Variants in ANK3 observed in about 807,000 individuals in gnomAD.
The protein encoded by ANK3 is ankyrin-3.
ANK3 carries 57 observed loss-of-function variants against 370.9 expected under a neutral mutation model. The ratio of observed to expected loss-of-function variants is 0.15; its 90% CI spans 0.12 to 0.19. The LOEUF (loss-of-function observed/expected upper bound fraction) is 0.19. Among genes scored for constraint, ANK3 ranks in the 10% least tolerant of loss-of-function variants. The pLI, the probability that ANK3 is intolerant of heterozygous loss-of-function variation, is 1.00. For synonymous variants in ANK3, 1,929 were observed against 1,946.3 expected, an observed-to-expected ratio of 0.99 and a Z score of 0.23; for missense variants, 4,439 against 5,302.1, an observed-to-expected ratio of 0.84 and a Z score of 5.06.
chr10:60,055,444 C>T (rs147195294), intron 42 of ANK3, among the ~76,000 whole-genome samples: 10 of 152,178 alleles, frequency 6.6e-5, no homozygotes, highest in Admixed American at 1.3e-4. Context: ...GAAGGTATAA[C>T]GAAATGGCAT....
At position 60,166,809 on chromosome 10, in the gene ANK3, A is replaced by G; in HGVS notation, c.2551+15T>C. The G allele has an allele frequency of 6.2e-7, 1 of 1,612,780 alleles. No individual in the cohort carries two copies. The highest frequency in any genetic ancestry group is 8.5e-7 in the Non-Finnish European group (1 of 1,178,870). ...TCACTTATAATTATTGTGAACTCAA[A>G]GAACATTTTCATACCTTCATCATCA... On this transcript the variant is annotated intron_variant, in intron 22 of 43. Transcript: ENST00000280772.
At chr10:60,457,469 C>CTAATATGTT (rs1595069789) in intron 2 of ANK3, among the ~76,000 whole-genome samples, 1 of 152,042 alleles carries the variant, frequency 6.6e-6, no homozygotes, top group Admixed American at 6.6e-5. Flanking sequence ...GAATAGATTG[C>CTAATATGTT]TAATATGTTC....
chr10:60,320,889 C>T lies in ANK3; in HGVS notation c.115-41250G>A, dbSNP rs998114340. ...ACTTCATGCAGCAGTGATTCAGACT[C>T]TCTACTGGGTATGTGTAGGGTGACA... On this transcript the variant is annotated intron_variant, in intron 1 of 43. Coordinates refer to ENST00000280772, the MANE Select transcript of ANK3 (RefSeq NM_020987.5). 1.8e-4 allele frequency among the ~76,000 whole-genome samples: 28 copies of T among 152,132 alleles called. 1 individual carries two copies. The highest frequency in any genetic ancestry group is 2.9e-5 in the Non-Finnish European group (2 of 68,020).
chr10:60,507,448 A>G (rs909333804), intron 2 of ANK3: 1 of 152,114 alleles, frequency 6.6e-6, no homozygotes, highest in African/African-American at 2.4e-5. Flanking sequence ...TTTATCCCAG[A>G]TGAAGCTATA....
chr10:60,341,057 CT>C (rs1326471806), intron 1 of ANK3, among the ~76,000 whole-genome samples: 2 of 152,248 alleles, frequency 1.3e-5, no homozygotes. Context: ...TCTCTTATCC[CT>C]TCTAGAGTCT....
intron 2 of ANK3, among the ~76,000 whole-genome samples, chr10:60,398,306 A>C (rs2063284710): frequency 6.6e-6 from 1 of 152,198 alleles, no homozygotes; most frequent in Non-Finnish European, 1.5e-5. Context: ...TGTGGCCTGC[A>C]GGCCTGTTTG....
At chr10:60,159,902 A>C (rs1044815746) in intron 23 of ANK3, among the ~76,000 whole-genome samples, 1 of 152,102 alleles carries the variant, frequency 6.6e-6, no homozygotes, top group Non-Finnish European at 1.5e-5. Context: ...ACTAAAACCT[A>C]CGGGAGACAG....
In ANK3 at chr10:60,048,703, GTTGAGTTTGT is replaced by G. The variant is rs1226046399; in HGVS notation, c.13066-5954_13066-5945del. On this transcript the variant is annotated intron_variant, in intron 42 of 43. Coordinates refer to ENST00000280772, the MANE Select transcript of ANK3 (RefSeq NM_020987.5). ...TTATTGTTTTATTTTCTCAAGGTTG[GTTGAGTTTGT>G]GCATGTGGAATGCCCAGATATGGAG... Among the ~76,000 whole-genome samples the G allele has an allele frequency of 1.1e-3, 175 of 152,254 alleles. 2 individuals carry two copies. The East Asian group carries it at 0.033, about 29-fold the overall frequency.
At chr10:60,554,959 C>A (rs1030721473) in intron 2 of ANK3, among the ~76,000 whole-genome samples, 2 of 152,140 alleles carry the variant, frequency 1.3e-5, no homozygotes, top group African/African-American at 4.8e-5. Context: ...CAAGTTGATT[C>A]TCTCCGCAGA....
At position 60,196,695 on chromosome 10, in the gene ANK3, A is replaced by G. The variant is rs534799003; in HGVS notation, c.1690-70T>C. 1.0e-5 allele frequency: 10 copies of G among 962,550 alleles called. No individual in the cohort carries two copies. In the African/African-American group the frequency reaches 1.5e-4, roughly 14 times the overall value. 59.6% of individuals were successfully genotyped at this position (962,550 alleles called of 1,614,324 possible). ...TAAGGAAAACACACACAAAACCCAA[A>G]CCAAACAACAAACAAACAAAAAGAT... On this transcript the variant is annotated intron_variant, in intron 14 of 43. Coordinates refer to ENST00000280772, the MANE Select transcript of ANK3 (RefSeq NM_020987.5).
chr10:60,388,347 A>T (rs1351981208), intron 1 of ANK3, among the ~76,000 whole-genome samples: 1 of 152,164 alleles, frequency 6.6e-6, no homozygotes, highest in Non-Finnish European at 1.5e-5. Flanking sequence ...AGGTACCAGG[A>T]ATATTCATGG....
At chr10:60,718,913 T>A (rs1031180640) in intron 1 of ANK3, among the ~76,000 whole-genome samples, 3 of 152,166 alleles carry the variant, frequency 2.0e-5, no homozygotes, top group Non-Finnish European at 4.4e-5. Flanking sequence ...AACCTAAATT[T>A]TTTTCTTGTG....
In ANK3 at chr10:60,108,996, G is replaced by T; in HGVS notation, c.3007C>A (p.His1003Asn). The T allele has an allele frequency of 1.9e-6, 3 of 1,614,024 alleles. No individual in the cohort carries two copies. The South Asian group carries it at 3.3e-5, about 18-fold the overall frequency. ...GGAGGAATGATGATTCTCATCCCGT[G>T]ATGACGGCTTCCTCTCATGGAGCCC... ...RGGSMRGSRH[H>N]GMRIIIPPRK... The change falls in exon 27 of 44, where the codon CAC (histidine) becomes AAC (asparagine). Residue 1003 changes from histidine (H) to asparagine (N), a missense_variant. Physicochemically the swap from His to Asn is moderately conservative, Grantham distance 68 (BLOSUM62 1). Around this residue, in one of 13 missense-constraint regions of ANK3, gnomAD observed 702 missense variants for 941.5 expected, o/e 0.75. Transcript: ENST00000280772.
chr10:60,516,782 A>AT (rs1194948464), intron 2 of ANK3, among the ~76,000 whole-genome samples: 11 of 152,130 alleles, frequency 7.2e-5, no homozygotes, highest in East Asian at 1.9e-4. Context: ...TACTTTGTAC[A>AT]TTTTTTTTAA....
intron 21 of ANK3, 134 bp downstream of exon 21, chr10:60,172,174 A>T (rs1485110785): frequency 1.6e-6 from 1 of 639,432 alleles, no homozygotes; most frequent in East Asian, 2.7e-5. Context: ...CCTGACTACC[A>T]ACAATGAGGT....
chr10:60,180,374 G>A (rs990906543), intron 18 of ANK3, among the ~76,000 whole-genome samples: 3 of 152,260 alleles, frequency 2.0e-5, no homozygotes, highest in African/African-American at 7.2e-5. Context: ...GAGGCATGTG[G>A]ATCACAAGGT....
rs1421080959 is a variant in ANK3 at position 60,074,041 on chromosome 10, A to G, written c.6840T>C (p.Phe2280=). ...TMSVHDIMKA[F]QSGRDPSKEL... is the part of the protein sequence containing the mutation. ...CTTTGGAAGGATCCCGCCCGGACTGAAAGGCCTTCATGATGTCATGGACTG... is the reference window on the plus strand; with the variant it reads ...CTTTGGAAGGATCCCGCCCGGACTGGAAGGCCTTCATGATGTCATGGACTG... The change falls in exon 37 of 44, where the codon TTT becomes TTC. Residue 2280 remains phenylalanine (F), a synonymous_variant. Coordinates refer to ENST00000280772, the MANE Select transcript of ANK3 (RefSeq NM_020987.5). The G allele has an allele frequency of 3.7e-6, 6 of 1,614,078 alleles. No individual in the cohort carries two copies. The highest frequency in any genetic ancestry group is 4.5e-5 in the East Asian group (2 of 44,858).
chr10:60,409,797 C>T (rs2063523464), intron 2 of ANK3, among the ~76,000 whole-genome samples: 2 of 152,154 alleles, frequency 1.3e-5, no homozygotes, highest in African/African-American at 4.8e-5. Context: ...TTGATGTCTT[C>T]CCTCGGAAGT....
At chr10:60,686,299 T>C (rs906689007) in intron 1 of ANK3, among the ~76,000 whole-genome samples, 1 of 152,158 alleles carries the variant, frequency 6.6e-6, no homozygotes, top group Non-Finnish European at 1.5e-5. Flanking sequence ...TTCAATCTCA[T>C]TTTAAATTAG....
Sources: gnomAD v4.1 joint callset for allele counts (sites outside exome capture counted in the v4.1 genomes callset) on GRCh38, gnomAD v4.1.1 for gene constraint, gnomAD v4.1.1 regional missense constraint, MANE v1.5 for transcripts, NCBI Gene and HGNC (gene_info 2026-07-23, HGNC 2026-07-21) for gene names.